The following HIP1 variants were observed in gnomAD, a reference collection of about 807,000 sequenced individuals.
HIP1 encodes huntingtin interacting protein 1.
Under a neutral mutation model 147.6 loss-of-function variants are expected in HIP1, and 65 were observed. That is an observed-to-expected ratio of 0.44 (90% CI 0.36 to 0.54). The LOEUF (loss-of-function observed/expected upper bound fraction) is 0.54, where lower values mean the gene tolerates loss of function less well. Among genes scored for constraint, HIP1 ranks in the 20% least tolerant of loss-of-function variants. The pLI is 0.00. For synonymous variants in HIP1, 479 were observed against 504.0 expected, an observed-to-expected ratio of 0.95 and a Z score of 0.67; for missense variants, 1,061 against 1,299.6, an observed-to-expected ratio of 0.82 and a Z score of 2.82.
chr7:75,544,172 C>CAAAAAA (rs369891293), intron 27 of HIP1, among the ~76,000 whole-genome samples: 1 of 96,630 alleles, frequency 1.0e-5, no homozygotes. Flanking sequence ...GCTCTGTCTC[C>CAAAAAA]AAAAAAAAAA....
rs529388844 is a variant in HIP1, at chr7:75,710,611, G to C, written c.120+28190C>G. ...AGTTCTAAACGATCTTGTAAAGCCA[G>C]GCATGGTGGCACATGTCTGTAGGCC... On this transcript the variant is annotated intron_variant, in intron 1 of 30. Coordinates refer to ENST00000336926, the MANE Select transcript of HIP1 (RefSeq NM_005338.7). Among the ~76,000 whole-genome samples the C allele has an allele frequency of 2.6e-5, 4 of 152,210 alleles. No homozygotes were observed. The East Asian group carries it at 7.7e-4, about 29-fold the overall frequency.
chr7:75,613,679 G>T (rs1016917652), intron 1 of HIP1, among the ~76,000 whole-genome samples: 1 of 152,156 alleles, frequency 6.6e-6, no homozygotes, highest in Admixed American at 6.6e-5. Context: ...CTCCCACACC[G>T]TGCTGCCTTC....
chr7:75,662,137 CAG>C (rs1374893185), intron 1 of HIP1, among the ~76,000 whole-genome samples: 1 of 151,680 alleles, frequency 6.6e-6, no homozygotes, highest in Admixed American at 6.6e-5. Flanking sequence ...GGGATGAAAT[CAG>C]AGATGATGAG....
At chr7:75,588,801 G>A (rs1197731855) in intron 4 of HIP1, among the ~76,000 whole-genome samples, 7 of 151,134 alleles carry the variant, frequency 4.6e-5, no homozygotes, top group Admixed American at 6.6e-5. Context: ...ACCTTCCCCC[G>A]CAAAAAACAA....
intron 1 of HIP1, among the ~76,000 whole-genome samples, chr7:75,615,915 G>A (rs587693011): frequency 8.5e-4 from 129 of 151,718 alleles, no homozygotes; most frequent in African/African-American, 2.7e-3. Flanking sequence ...ATGAAACCTC[G>A]TCTCTACTAA....
intron 1 of HIP1, 25 bp from the exon 2 acceptor site, chr7:75,599,272 A>G (rs782705914): frequency 6.3e-7 from 1 of 1,575,764 alleles, no homozygotes; most frequent in South Asian, 1.1e-5. Flanking sequence ...GGGGGGAGGG[A>G]AAGGAGGATG....
At chr7:75,582,825 A>T (rs1403306664) in intron 5 of HIP1, among the ~76,000 whole-genome samples, 1 of 152,124 alleles carries the variant, frequency 6.6e-6, no homozygotes, top group Admixed American at 6.6e-5. Context: ...AAAAAAAGAA[A>T]AAAAAATCCC....
At chr7:75,586,711 G>A (rs1554499694) in intron 5 of HIP1, 42 bp downstream of exon 5, 1 of 1,259,978 alleles carries the variant, frequency 7.9e-7, no homozygotes, top group Admixed American at 1.7e-5. Flanking sequence ...GGATGGAGCA[G>A]GGGAGGCGGC....
At chr7:75,697,592 C>T (rs1337127089) in intron 1 of HIP1, among the ~76,000 whole-genome samples, 1 of 152,136 alleles carries the variant, frequency 6.6e-6, no homozygotes, top group Non-Finnish European at 1.5e-5. Flanking sequence ...GCAGACGGAT[C>T]ACTTGAGGTC....
intron 1 of HIP1, among the ~76,000 whole-genome samples, chr7:75,628,548 G>A (rs587722657): frequency 9.7e-5 from 14 of 144,156 alleles, no homozygotes; most frequent in South Asian, 4.3e-4. Context: ...GCACAATCTC[G>A]GCTCACTCCA....
intron 1 of HIP1, among the ~76,000 whole-genome samples, chr7:75,662,108 G>A (rs1202377734): frequency 6.7e-6 from 1 of 149,162 alleles, no homozygotes; most frequent in Non-Finnish European, 1.5e-5. Context: ...AGGAGGGGGC[G>A]TAGCTGGCGA....
intron 1 of HIP1, among the ~76,000 whole-genome samples, chr7:75,648,175 G>T (rs1261280741): frequency 1.3e-5 from 2 of 152,210 alleles, no homozygotes; most frequent in African/African-American, 4.8e-5. Flanking sequence ...AGCTGAGGCT[G>T]GTTGGAGTAG....
chr7:75,677,675 G>A (rs1187724848), intron 1 of HIP1, among the ~76,000 whole-genome samples: 1 of 148,780 alleles, frequency 6.7e-6, no homozygotes, highest in East Asian at 2.0e-4. Flanking sequence ...ACAGGTCACA[G>A]AATGACTATT....
chr7:75,737,228 A>G (rs1802052054), intron 1 of HIP1, among the ~76,000 whole-genome samples: 1 of 151,748 alleles, frequency 6.6e-6, no homozygotes, highest in Non-Finnish European at 1.5e-5. Flanking sequence ...ACCCAGCCTA[A>G]TTTTTTTATT....
At chr7:75,552,881 T>G (rs1794838714) in intron 22 of HIP1, among the ~76,000 whole-genome samples, 1 of 152,076 alleles carries the variant, frequency 6.6e-6, no homozygotes, top group Non-Finnish European at 1.5e-5. Context: ...TTTTTTTAAT[T>G]TTTAAAGAGA....
intron 1 of HIP1, among the ~76,000 whole-genome samples, chr7:75,601,621 A>AG (rs1796978816): frequency 9.2e-6 from 1 of 108,522 alleles, no homozygotes; most frequent in African/African-American, 2.9e-5. Flanking sequence ...AACAACAAAA[A>AG]AAAAAAGAAA....
intron 1 of HIP1, among the ~76,000 whole-genome samples, chr7:75,664,310 A>G (rs1234057696): frequency 8.3e-5 from 12 of 145,350 alleles, no homozygotes; most frequent in Non-Finnish European, 1.2e-4. Context: ...ATATGTATGT[A>G]TATGTATACA....
Position 75,586,895 on chromosome 7 carries a change from A to C in HIP1, c.385-62T>G. 3.1e-6 allele frequency: 3 copies of C among 960,094 alleles called. No individual in the cohort carries two copies. The South Asian group carries it at 4.0e-5, about 13-fold the overall frequency. 59.5% of individuals were successfully genotyped at this position (960,094 alleles called of 1,614,324 possible). On this transcript the variant is annotated intron_variant, in intron 4 of 30. Coordinates refer to ENST00000336926, the MANE Select transcript of HIP1 (RefSeq NM_005338.7). ...AGAACATAACAGTCAAGAGATCTGC[A>C]GCCAGGAATTCTCTGGTAAAGAATC...
chr7:75,736,742 G>A (rs1034579874), intron 1 of HIP1, among the ~76,000 whole-genome samples: 6 of 152,082 alleles, frequency 3.9e-5, no homozygotes, highest in African/African-American at 1.4e-4. Context: ...GAAGTGAAAT[G>A]ACCATTTCCC....
Sources: allele counts gnomAD v4.1 joint callset (sites outside exome capture counted in the v4.1 genomes callset), GRCh38; gene constraint gnomAD v4.1.1; transcripts MANE v1.5; gene names NCBI Gene and HGNC (gene_info 2026-07-23, HGNC 2026-07-21).